HPSE2: variants seen among roughly 807,000 people sequenced by gnomAD.
HPSE2 encodes the protein inactive heparanase-2.
A neutral mutation model predicts 60.5 loss-of-function variants in HPSE2; 38 were observed. That is an observed-to-expected ratio of 0.63 (90% confidence interval 0.48 to 0.82). The LOEUF is 0.82. Among genes scored for constraint, HPSE2 ranks in the 40% least tolerant of loss-of-function variants. HPSE2 has a pLI of 0.00. For missense variants in HPSE2, 713 were observed against 740.4 expected (o/e 0.96, Z 0.43); for synonymous variants, 295 against 293.2 (o/e 1.01, Z -0.06).
At chr10:99,293,322 GAACA>G in the HPSE2 span, among the ~76,000 whole-genome samples, 1 of 152,186 alleles carries the variant, frequency 6.6e-6, no homozygotes, top group Non-Finnish European at 1.5e-5. Flanking sequence ...GGATAGGCCA[GAACA>G]GTCAGGGAAG....
chr10:99,017,205 G>A (rs113860778), intron 3 of HPSE2, among the ~76,000 whole-genome samples: 6 of 152,070 alleles, frequency 3.9e-5, no homozygotes, highest in South Asian at 2.1e-4. Context: ...ATGTTCCTTC[G>A]ATACCTAGTT....
chr10:98,492,464 T>C (rs1404357595), intron 9 of HPSE2, among the ~76,000 whole-genome samples: 4 of 140,952 alleles, frequency 2.8e-5, no homozygotes. Context: ...ATTGCGCCAC[T>C]GCACTCCAGC....
chr10:98,619,854 A>AT (rs1176638781), intron 8 of HPSE2, among the ~76,000 whole-genome samples: 5 of 152,052 alleles, frequency 3.3e-5, no homozygotes, highest in Non-Finnish European at 7.4e-5. Flanking sequence ...CATGTCTGTC[A>AT]TTTTTCTTTT....
At chr10:99,134,989 A>C (rs1845587790) in intron 3 of HPSE2, among the ~76,000 whole-genome samples, 1 of 152,208 alleles carries the variant, frequency 6.6e-6, no homozygotes, top group Admixed American at 6.5e-5. Flanking sequence ...CTGCAAAGAC[A>C]CACATAGTCT....
At chr10:99,064,932 T>A (rs1842567302) in intron 3 of HPSE2, among the ~76,000 whole-genome samples, 3 of 151,952 alleles carry the variant, frequency 2.0e-5, no homozygotes, top group Admixed American at 2.0e-4. Flanking sequence ...TCAGAAAAAA[T>A]TCCTGTAAAT....
chr10:99,160,731 C>G (rs1434169232), intron 2 of HPSE2, among the ~76,000 whole-genome samples: 1 of 151,268 alleles, frequency 6.6e-6, no homozygotes, highest in East Asian at 1.9e-4. Context: ...AACCCCGTCT[C>G]TACTAAAAAT....
intron 3 of HPSE2, among the ~76,000 whole-genome samples, chr10:99,070,118 T>C (rs747572171): frequency 3.3e-5 from 5 of 152,114 alleles, no homozygotes; most frequent in African/African-American, 4.8e-5. Flanking sequence ...AAAAAACTGA[T>C]AAACTAGACT....
chr10:98,880,306 A>C (rs187557259), intron 3 of HPSE2, among the ~76,000 whole-genome samples: 28 of 152,158 alleles, frequency 1.8e-4, no homozygotes, highest in Admixed American at 4.6e-4. Context: ...CATGGATTTG[A>C]GTTATAGTCA....
At chr10:98,467,941 G>A (rs1449258767) in intron 11 of HPSE2, among the ~76,000 whole-genome samples, 2 of 152,226 alleles carry the variant, frequency 1.3e-5, no homozygotes, top group Non-Finnish European at 2.9e-5. Context: ...CAGGGCAGGT[G>A]CGGGGTCTGC....
rs960918499 is a variant in HPSE2 at position 98,459,124 on chromosome 10, G to A, written c.*450C>T. The A allele has an allele frequency of 4.1e-6, 1 of 241,558 alleles. No individual in the cohort carries two copies. Among genetic ancestry groups the A allele is most frequent in the Non-Finnish European group, 8.2e-6 (1 of 122,392 alleles). 15.0% of individuals were successfully genotyped at this position (241,558 alleles called of 1,614,324 possible). A position where few individuals can be genotyped will look rare whatever the true frequency, so the allele number is the denominator to read the frequency against. Reference sequence around the variant, plus strand: ...AGAGGCAGAGAAGAAGGAGTTGGGAGAGGATGGGTTTTTGTAGGTCCACCC... The same window carrying A: ...AGAGGCAGAGAAGAAGGAGTTGGGAAAGGATGGGTTTTTGTAGGTCCACCC... On this transcript the variant is annotated 3_prime_UTR_variant, in exon 12 of 12. Coordinates refer to ENST00000370552, the MANE Select transcript of HPSE2 (RefSeq NM_021828.5).
intron 3 of HPSE2, among the ~76,000 whole-genome samples, chr10:98,827,546 A>G (rs532069847): frequency 6.6e-6 from 1 of 152,306 alleles, no homozygotes; most frequent in African/African-American, 2.4e-5. Context: ...TTACGCAGCA[A>G]CATAAAACTG....
At chr10:98,564,583 T>C (rs1402875214) in intron 9 of HPSE2, among the ~76,000 whole-genome samples, 81 of 152,366 alleles carry the variant, frequency 5.3e-4, no homozygotes. Context: ...CCATATCCAC[T>C]AGTTCACAGC....
intron 3 of HPSE2, among the ~76,000 whole-genome samples, chr10:98,813,922 C>T (rs780309839): frequency 7.2e-5 from 11 of 152,184 alleles, no homozygotes; most frequent in Non-Finnish European, 1.3e-4. Flanking sequence ...AGGAAAGAGA[C>T]GACTAATATG....
chr10:99,260,481 C>G, the HPSE2 span, among the ~76,000 whole-genome samples: 1 of 152,180 alleles, frequency 6.6e-6, no homozygotes, highest in Non-Finnish European at 1.5e-5. Flanking sequence ...GGTAAGCAGT[C>G]TTTTCACTCT....
chr10:98,724,264 G>A (rs1949009070), intron 4 of HPSE2, among the ~76,000 whole-genome samples: 1 of 152,098 alleles, frequency 6.6e-6, no homozygotes, highest in African/African-American at 2.4e-5. Flanking sequence ...TTTCCATGTA[G>A]TTGAGCGGTT....
intron 9 of HPSE2, among the ~76,000 whole-genome samples, chr10:98,553,916 T>C (rs1378961496): frequency 1.3e-5 from 2 of 152,190 alleles, no homozygotes; most frequent in Non-Finnish European, 2.9e-5. Flanking sequence ...CTTTGGCCCC[T>C]GTTTCTTTTT....
At chr10:98,938,039 G>C in intron 3 of HPSE2, among the ~76,000 whole-genome samples, 1 of 142,308 alleles carries the variant, frequency 7.0e-6, no homozygotes, top group African/African-American at 2.9e-5. Context: ...CTGTCTGTTA[G>C]AAGGAAAACT....
intron 9 of HPSE2, among the ~76,000 whole-genome samples, chr10:98,550,795 G>T (rs144977713): frequency 6.8e-4 from 103 of 152,018 alleles, no homozygotes; most frequent in African/African-American, 2.3e-3. Flanking sequence ...TTTTTGTAGA[G>T]ATAGGGTCTT....
At chr10:99,110,158 G>C (rs1042838038) in intron 3 of HPSE2, among the ~76,000 whole-genome samples, 5 of 152,138 alleles carry the variant, frequency 3.3e-5, no homozygotes, top group African/African-American at 1.2e-4. Flanking sequence ...AAAAGAAAAA[G>C]ACATGCTCTA....
Sources: allele counts gnomAD v4.1 joint callset (sites outside exome capture counted in the v4.1 genomes callset), GRCh38; gene constraint gnomAD v4.1.1; transcripts MANE v1.5; gene names NCBI Gene and HGNC (gene_info 2026-07-23, HGNC 2026-07-21).